Variants in SYN3 observed in about 807,000 individuals in gnomAD.
The protein encoded by SYN3 is synapsin III.
In SYN3, 35 loss-of-function variants were observed where a neutral mutation model predicts 65.8. That is an observed-to-expected ratio of 0.53 (90% confidence interval 0.41 to 0.70). The LOEUF is 0.70. Among genes scored for constraint, SYN3 ranks in the 30% least tolerant of loss-of-function variants. The pLI, the probability that SYN3 is intolerant of heterozygous loss-of-function variation, is 0.00. For synonymous variants in SYN3, 270 were observed against 292.9 expected (o/e 0.92, Z 0.80); for missense variants, 680 against 749.0 (o/e 0.91, Z 1.08).
At chr22:32,715,440 A>C (rs1224575806) in intron 6 of SYN3, among the ~76,000 whole-genome samples, 2 of 152,162 alleles carry the variant, frequency 1.3e-5, no homozygotes, top group African/African-American at 4.8e-5. Context: ...AAATAACGTA[A>C]ATATTTGTTC....
At chr22:32,753,033 C>T (rs2045179658) in intron 6 of SYN3, among the ~76,000 whole-genome samples, 2 of 152,120 alleles carry the variant, frequency 1.3e-5, no homozygotes, top group African/African-American at 2.4e-5. Flanking sequence ...TGGACTTCCT[C>T]CTGGCAGTGA....
chr22:32,908,645 G>A (rs1307641789), intron 4 of SYN3, among the ~76,000 whole-genome samples: 1 of 152,022 alleles, frequency 6.6e-6, no homozygotes, highest in South Asian at 2.1e-4. Context: ...GTTTTATTAG[G>A]ACACAGCTAT....
chr22:32,898,959 G>A (rs895161421), intron 4 of SYN3, among the ~76,000 whole-genome samples: 1 of 152,160 alleles, frequency 6.6e-6, no homozygotes, highest in Non-Finnish European at 1.5e-5. Context: ...AAAATTAGCT[G>A]GATGTGGTGG....
chr22:32,902,420 A>G (rs2049785414), intron 4 of SYN3, among the ~76,000 whole-genome samples: 1 of 152,194 alleles, frequency 6.6e-6, no homozygotes, highest in Non-Finnish European at 1.5e-5. Context: ...CAACATGGGT[A>G]TTCCAGGCAA....
chr22:32,841,350 G>A (rs1280554049), intron 6 of SYN3, among the ~76,000 whole-genome samples: 3 of 152,176 alleles, frequency 2.0e-5, no homozygotes, highest in African/African-American at 2.4e-5. Flanking sequence ...ATTGCGAGGA[G>A]GGGGAGGAAT....
intron 1 of SYN3, among the ~76,000 whole-genome samples, chr22:33,038,111 G>A (rs2053891895): frequency 6.6e-6 from 1 of 152,166 alleles, no homozygotes; most frequent in Admixed American, 6.5e-5. Flanking sequence ...CTCATCAGGG[G>A]CTGCTGCCTC....
At chr22:32,562,295 T>C (rs370188341) in intron 7 of SYN3, among the ~76,000 whole-genome samples, 4 of 152,200 alleles carry the variant, frequency 2.6e-5, no homozygotes, top group East Asian at 3.9e-4. Context: ...CCACCTTCAT[T>C]GCATGACCCC....
At chr22:32,780,943 T>TTCCTTCCTTCCTTCCG (rs2046032445) in intron 6 of SYN3, among the ~76,000 whole-genome samples, 1 of 64,042 alleles carries the variant, frequency 1.6e-5, no homozygotes, top group African/African-American at 6.1e-5. Context: ...CTTTCCTTCC[T>TTCCTTCCTTCCTTCCG]TCCTTCCTTC....
chr22:32,851,235 C>T (rs112475233), intron 6 of SYN3, among the ~76,000 whole-genome samples: 35 of 152,244 alleles, frequency 2.3e-4, no homozygotes, highest in African/African-American at 7.2e-4. Flanking sequence ...CACGAACCTG[C>T]CTGGTCTGGA....
chr22:32,541,789 C>A (rs2058260127), intron 7 of SYN3, 76 bp from the exon 8 acceptor site: 77 of 1,530,516 alleles, frequency 5.0e-5, no homozygotes, highest in Non-Finnish European at 6.8e-5. Context: ...GGAACAAGTG[C>A]TCTGTCTATA....
chr22:33,000,760 T>G (rs1382901939), intron 2 of SYN3, among the ~76,000 whole-genome samples: 2 of 152,138 alleles, frequency 1.3e-5, no homozygotes, highest in Non-Finnish European at 2.9e-5. Context: ...GCTTCTTCCC[T>G]TTAACCACTT....
chr22:32,655,465 G>A (rs773652177), intron 6 of SYN3, among the ~76,000 whole-genome samples: 38 of 152,182 alleles, frequency 2.5e-4, no homozygotes, highest in Non-Finnish European at 5.0e-4. Context: ...CCGCACAGCA[G>A]GAGGTGAGCA....
intron 6 of SYN3, among the ~76,000 whole-genome samples, chr22:32,704,819 G>A (rs2060858442): frequency 6.6e-6 from 1 of 151,184 alleles, no homozygotes; most frequent in Non-Finnish European, 1.5e-5. Flanking sequence ...CAGTGATGTT[G>A]AGCTTTTTTT....
intron 1 of SYN3, among the ~76,000 whole-genome samples, chr22:33,013,084 T>C (rs1318102713): frequency 2.6e-5 from 4 of 152,234 alleles, no homozygotes; most frequent in Non-Finnish European, 5.9e-5. Context: ...AATGTTAGGG[T>C]TGAAGGGATC....
chr22:33,007,656 G>A (rs1399084487), intron 1 of SYN3, among the ~76,000 whole-genome samples: 2 of 152,198 alleles, frequency 1.3e-5, no homozygotes, highest in African/African-American at 4.8e-5. Flanking sequence ...CAAACCAGGA[G>A]AGAGCCCTCA....
chr22:32,938,826 G>T (rs2050851202), intron 3 of SYN3, among the ~76,000 whole-genome samples: 1 of 151,720 alleles, frequency 6.6e-6, no homozygotes, highest in Non-Finnish European at 1.5e-5. Flanking sequence ...CACTTGGGAT[G>T]CTGAGGCACA....
At chr22:32,995,695 C>T (rs1451813290) in intron 2 of SYN3, among the ~76,000 whole-genome samples, 2 of 152,010 alleles carry the variant, frequency 1.3e-5, no homozygotes, top group Non-Finnish European at 2.9e-5. Context: ...ATGGAGTCTC[C>T]CTCTGCCACC....
intron 7 of SYN3, among the ~76,000 whole-genome samples, chr22:32,555,769 TC>T (rs2058486216): frequency 6.6e-6 from 1 of 152,194 alleles, no homozygotes; most frequent in Non-Finnish European, 1.5e-5. Context: ...ATGCTTGTTT[TC>T]CTGTTTTTAT....
intron 12 of SYN3, among the ~76,000 whole-genome samples, chr22:32,521,119 A>C (rs1203081594): frequency 6.6e-6 from 1 of 152,198 alleles, no homozygotes; most frequent in Non-Finnish European, 1.5e-5. Context: ...CAGGTATGTA[A>C]ATAAATAAAG....
Sources: allele counts gnomAD v4.1 joint callset (sites outside exome capture counted in the v4.1 genomes callset), GRCh38; gene constraint gnomAD v4.1.1; transcripts MANE v1.5; gene names NCBI Gene and HGNC (gene_info 2026-07-23, HGNC 2026-07-21).